Variants in LAMA2 observed in about 807,000 individuals in gnomAD.
LAMA2 encodes laminin subunit alpha 2, also known as laminin subunit alpha-2.
LAMA2 carries 269 observed loss-of-function variants against 364.8 expected under a neutral mutation model. The ratio of observed to expected loss-of-function variants is 0.74; its 90% CI spans 0.67 to 0.82. The LOEUF (loss-of-function observed/expected upper bound fraction) is 0.82, where lower values mean the gene tolerates loss of function less well. Among genes scored for constraint, LAMA2 ranks in the 40% least tolerant of loss-of-function variants. The probability of loss-of-function intolerance (pLI) is 0.00; values close to 1 mark genes in which losing one functional copy is unlikely to be tolerated. For missense variants in LAMA2, 3,807 were observed against 3,873.2 expected (o/e 0.98, Z 0.45); for synonymous variants, 1,379 against 1,370.6 (o/e 1.01, Z -0.14).
chr6:129,450,248 C>A (rs1402715646), intron 45 of LAMA2, among the ~76,000 whole-genome samples: 1 of 151,836 alleles, frequency 6.6e-6, no homozygotes, highest in East Asian at 1.9e-4. Flanking sequence ...TGAGTCATCT[C>A]TTCTCTAAAT....
intron 56 of LAMA2, among the ~76,000 whole-genome samples, chr6:129,488,770 C>CAAGT (rs1784720085): frequency 6.6e-6 from 1 of 152,192 alleles, no homozygotes; most frequent in African/African-American, 2.4e-5. Context: ...ACTCTATAAG[C>CAAGT]AAGTGCCACA....
chr6:128,995,660 TC>T (rs1018290648), intron 1 of LAMA2, among the ~76,000 whole-genome samples: 1 of 152,100 alleles, frequency 6.6e-6, no homozygotes, highest in African/African-American at 2.4e-5. Flanking sequence ...CTTCTCTCTC[TC>T]CCCTCTGTTG....
At chr6:128,896,141 G>A (rs1776756503) in intron 1 of LAMA2, among the ~76,000 whole-genome samples, 1 of 152,050 alleles carries the variant, frequency 6.6e-6, no homozygotes, top group Non-Finnish European at 1.5e-5. Flanking sequence ...TCCAGATTAA[G>A]TAGACAAATT....
intron 29 of LAMA2, among the ~76,000 whole-genome samples, chr6:129,331,246 A>G (rs1466047867): frequency 6.6e-6 from 1 of 152,032 alleles, no homozygotes. Flanking sequence ...CCTTAAATTC[A>G]TGATCCCTCT....
At chr6:129,264,570 A>G (rs1787367674) in intron 15 of LAMA2, among the ~76,000 whole-genome samples, 1 of 152,140 alleles carries the variant, frequency 6.6e-6, no homozygotes, top group Non-Finnish European at 1.5e-5. Flanking sequence ...TACCCAGGAG[A>G]AAGTGCAATT....
intron 10 of LAMA2, among the ~76,000 whole-genome samples, chr6:129,189,593 G>A (rs1481284879): frequency 9.2e-5 from 14 of 152,038 alleles, no homozygotes; most frequent in Admixed American, 9.2e-4. Flanking sequence ...GTACTGATGT[G>A]TTACAGAAAA....
At chr6:129,179,703 C>A (rs1780817227) in intron 10 of LAMA2, among the ~76,000 whole-genome samples, 1 of 152,022 alleles carries the variant, frequency 6.6e-6, no homozygotes, top group African/African-American at 2.4e-5. Flanking sequence ...AAGTAAATAG[C>A]ATTATTAAAA....
In LAMA2 at chr6:129,177,711, G is replaced by A. The variant is rs1217080781; in HGVS notation, c.1312G>A (p.Ala438Thr). Residue 438 changes from alanine to threonine, a missense_variant, in exon 10 of 65, where the codon GCA becomes ACA. By Grantham distance (58) the Ala-to-Thr change is moderately conservative. Around this residue, in one of 3 missense-constraint regions of LAMA2, gnomAD observed 3,333 missense variants for 3,345.7 expected, o/e 1.00. Transcript: ENST00000421865. Reference protein sequence around the residue: ...KDEKHARRGLAPGSCHCKTGF... With the variant: ...KDEKHARRGLTPGSCHCKTGF... ...TGTGGCTCATCTTTCTTTAGGTTTG[G>A]CACCTGGATCCTGTCATTGCAAAAC... is the stretch of plus-strand genomic sequence containing the variant. 2 of 1,613,812 alleles carry A rather than the reference G, an allele frequency of 1.2e-6. No individual in the cohort carries two copies. Among genetic ancestry groups the A allele is most frequent in the Admixed American group, 1.7e-5 (1 of 59,932 alleles).
At chr6:129,383,972 A>G (rs1486591897) in intron 35 of LAMA2, among the ~76,000 whole-genome samples, 12 of 152,108 alleles carry the variant, frequency 7.9e-5, no homozygotes, top group Admixed American at 6.6e-4. Flanking sequence ...TTGCTCTGCA[A>G]TATTATGCAT....
In LAMA2 at chr6:129,349,384, G is replaced by A. The variant is rs770084568; in HGVS notation, c.4523G>A (p.Arg1508Lys). 4 of 1,610,676 alleles carry A rather than the reference G, an allele frequency of 2.5e-6. No individual in the cohort carries two copies. The Admixed American group carries it at 5.0e-5, about 20-fold the overall frequency. Reference protein sequence around the residue: ...PRGYEGQYCERCAPGYTGSPG... With the variant: ...PRGYEGQYCEKCAPGYTGSPG... ...GGATATGAAGGCCAGTACTGTGAAA[G>A]GTACCAACAGCCATGAAACGTACAG... Residue 1508 changes from arginine (R) to lysine (K), a missense_variant and splice_region_variant, in exon 31 of 65, where the codon AGG (arginine) becomes AAG (lysine). This residue lies in a region of LAMA2 where 3,333 missense variants were observed against 3,345.7 expected (regional missense o/e 1.00). Coordinates refer to ENST00000421865, the MANE Select transcript of LAMA2 (RefSeq NM_000426.4).
intron 1 of LAMA2, among the ~76,000 whole-genome samples, chr6:129,028,173 G>A (rs570238732): frequency 5.3e-5 from 8 of 151,860 alleles, no homozygotes; most frequent in Non-Finnish European, 1.0e-4. Flanking sequence ...TGTGTCAGCT[G>A]CAAAATAAAG....
intron 12 of LAMA2, among the ~76,000 whole-genome samples, chr6:129,210,402 G>A (rs1000726774): frequency 3.3e-5 from 5 of 150,076 alleles, no homozygotes; most frequent in East Asian, 2.0e-4. Context: ...GCATGTGCAC[G>A]CACACACACA....
intron 1 of LAMA2, among the ~76,000 whole-genome samples, chr6:129,011,349 C>T (rs1784756502): frequency 6.6e-6 from 1 of 152,106 alleles, no homozygotes; most frequent in Non-Finnish European, 1.5e-5. Context: ...TTTATAGTAC[C>T]AAGTCCCTGC....
intron 34 of LAMA2, among the ~76,000 whole-genome samples, chr6:129,373,255 T>A (rs1403546438): frequency 2.0e-5 from 3 of 152,190 alleles, no homozygotes; most frequent in Non-Finnish European, 4.4e-5. Context: ...TCTAGGAGCG[T>A]TACAGTTTTG....
intron 1 of LAMA2, among the ~76,000 whole-genome samples, chr6:128,915,965 TCA>T (rs768117128): frequency 3.6e-4 from 55 of 152,332 alleles, no homozygotes; most frequent in Non-Finnish European, 6.2e-4. Context: ...AGCTAATTAG[TCA>T]CTATTTTAAA....
intron 40 of LAMA2, among the ~76,000 whole-genome samples, chr6:129,417,694 A>C (rs1780871163): frequency 6.6e-6 from 1 of 152,004 alleles, no homozygotes; most frequent in Non-Finnish European, 1.5e-5. Flanking sequence ...GGTCACCTTC[A>C]GGCCCATGCA....
At chr6:128,929,955 A>ATC in intron 1 of LAMA2, 1 of 703,850 alleles carries the variant, frequency 1.4e-6, no homozygotes, top group Non-Finnish European at 2.5e-6. Flanking sequence ...TGGACCCACC[A>ATC]CTCCCTCATC....
At position 129,454,239 on chromosome 6, in the gene LAMA2, C is replaced by A. The variant is rs772807124; in HGVS notation, c.6658C>A (p.Pro2220Thr). 1 of 1,612,186 alleles carries A rather than the reference C, an allele frequency of 6.2e-7. No individual in the cohort carries two copies. Among genetic ancestry groups the A allele is most frequent in the South Asian group, 1.1e-5 (1 of 91,024 alleles). Reference protein sequence around the residue: ...VGSGVGRVEYPDLTIDDSYWY... With the variant: ...VGSGVGRVEYTDLTIDDSYWY... ...ATCTGGAGTTGGACGTGTAGAGTACCCAGATTTGACTATTGATGACTCATA... is the reference window on the plus strand; with the variant it reads ...ATCTGGAGTTGGACGTGTAGAGTACACAGATTTGACTATTGATGACTCATA... The change falls in exon 47 of 65, where the codon CCA becomes ACA. Residue 2220 changes from proline (P) to threonine (T), a missense_variant. Pro to Thr is a conservative substitution (Grantham distance 38, BLOSUM62 -1). Around this residue, in one of 3 missense-constraint regions of LAMA2, gnomAD observed 3,333 missense variants for 3,345.7 expected, o/e 1.00. Transcript: ENST00000421865.
In LAMA2 at chr6:129,369,925, C is replaced by G. The variant is rs767743721; in HGVS notation, c.4894C>G (p.Leu1632Val). The change falls in exon 34 of 65, where the codon CTT becomes GTT. Residue 1632 changes from leucine (L) to valine (V), a missense_variant. This residue lies in a region of LAMA2 where 3,333 missense variants were observed against 3,345.7 expected (regional missense o/e 1.00). Transcript: ENST00000421865. The part of the protein sequence containing the change: ...LLSPQRAPER[L>V]IQLAEGNLNT... The stretch of plus-strand genomic sequence containing the variant: ...GTCACCTCAGCGGGCCCCAGAGAGG[C>G]TTATTCAGCTGGCAGAGGGCAATCT... 5.0e-6 allele frequency: 8 copies of G among 1,613,964 alleles called. No homozygotes were observed. The East Asian group carries it at 1.8e-4, about 36-fold the overall frequency.
Sources: gnomAD v4.1 joint callset for allele counts (sites outside exome capture counted in the v4.1 genomes callset) on GRCh38, gnomAD v4.1.1 for gene constraint, gnomAD v4.1.1 regional missense constraint, MANE v1.5 for transcripts, NCBI Gene and HGNC (gene_info 2026-07-23, HGNC 2026-07-21) for gene names.